Variants in MYO3B observed in about 807,000 individuals in gnomAD.
The protein encoded by MYO3B is myosin-IIIb.
In MYO3B, 156 loss-of-function variants were observed where a neutral mutation model predicts 174.6. The ratio of observed to expected loss-of-function variants is 0.89; its 90% CI spans 0.78 to 1.02. The LOEUF (loss-of-function observed/expected upper bound fraction) is 1.02. Ranked by LOEUF, MYO3B falls within the 50% of genes least tolerant of loss-of-function variation. The pLI is 0.00. For missense variants in MYO3B, 1,632 were observed against 1,639.4 expected (o/e 1.00, Z 0.08); for synonymous variants, 563 against 569.1 (o/e 0.99, Z 0.15).
Position 170,400,039 on chromosome 2 carries a change from G to A in MYO3B, c.1792-149G>A. On this transcript the variant is annotated intron_variant, in intron 16 of 34. Coordinates refer to ENST00000408978, the MANE Select transcript of MYO3B (RefSeq NM_138995.5). ...TGTAGTTATATGACGACCTCTAACT[G>A]CAAAGAAGTTTGGGAAATTTTGCTG... 3 of 967,590 alleles carry A rather than the reference G, an allele frequency of 3.1e-6. No homozygotes were observed. The South Asian group carries it at 4.8e-5, about 15-fold the overall frequency. 59.9% of individuals were successfully genotyped at this position (967,590 alleles called of 1,614,324 possible). A position where few individuals can be genotyped will look rare whatever the true frequency, so the allele number is the denominator to read the frequency against.
chr2:170,236,123 T>G lies in MYO3B; in HGVS notation c.736T>G (p.Phe246Val), dbSNP rs769426526. 1 of 1,614,196 alleles carries G rather than the reference T, an allele frequency of 6.2e-7. No homozygotes were observed. The highest frequency in any genetic ancestry group is 1.1e-5 in the South Asian group (1 of 91,080). The stretch of plus-strand genomic sequence containing the variant: ...TGACATGCATCCTGTGAAAACACTC[T>G]TTAAGATTCCAAGGTAAGACACAAG... ...LFDMHPVKTLFKIPRNPPPTL... is the reference protein window; with the variant it reads ...LFDMHPVKTLVKIPRNPPPTL... Residue 246 changes from phenylalanine to valine, a missense_variant, in exon 7 of 35, where the codon TTT becomes GTT. Physicochemically the swap from Phe to Val is conservative, Grantham distance 50. Coordinates refer to ENST00000408978, the MANE Select transcript of MYO3B (RefSeq NM_138995.5).
chr2:170,194,645 T>C (rs1157094152), intron 1 of MYO3B, among the ~76,000 whole-genome samples: 1 of 152,176 alleles, frequency 6.6e-6, no homozygotes, highest in African/African-American at 2.4e-5. Context: ...GTGCATCCTA[T>C]TGTATTAGTC....
chr2:170,294,813 T>C (rs1407676660), intron 7 of MYO3B, among the ~76,000 whole-genome samples: 1 of 152,144 alleles, frequency 6.6e-6, no homozygotes, highest in Admixed American at 6.5e-5. Context: ...GATGTGTCAA[T>C]GTAGGTTCAG....
intron 9 of MYO3B, among the ~76,000 whole-genome samples, chr2:170,371,728 G>T (rs2094246986): frequency 6.6e-6 from 1 of 150,682 alleles, no homozygotes; most frequent in South Asian, 2.1e-4. Flanking sequence ...TGAGTATATA[G>T]ATGATTGAGG....
At chr2:170,591,827 G>C (rs368112486) in intron 32 of MYO3B, among the ~76,000 whole-genome samples, 2 of 152,116 alleles carry the variant, frequency 1.3e-5, no homozygotes, top group African/African-American at 4.8e-5. Context: ...CCAGTATTAC[G>C]TATTGAACTT....
In MYO3B at chr2:170,447,530, G is replaced by T. The variant is rs150600120; in HGVS notation, c.2730+3484G>T. ...ATGGGATTCTTTGGAGTCTATATCT[G>T]TATCCAAGAGTAAACTTAGTTGACA... is the stretch of plus-strand genomic sequence containing the variant. On this transcript the variant is annotated intron_variant, in intron 23 of 34. Transcript: ENST00000408978. Among the ~76,000 whole-genome samples the T allele has an allele frequency of 4.3e-3, 653 of 152,288 alleles. 4 individuals carry two copies. Among genetic ancestry groups the T allele is most frequent in the African/African-American group, 0.015 (638 of 41,560 alleles).
intron 22 of MYO3B, among the ~76,000 whole-genome samples, chr2:170,410,357 G>A (rs1025010502): frequency 6.6e-6 from 1 of 151,982 alleles, no homozygotes; most frequent in African/African-American, 2.4e-5. Flanking sequence ...CAAGGTGGGT[G>A]GATCACGAGG....
At position 170,605,245 on chromosome 2, in the gene MYO3B, C is replaced by T. The variant is rs115749725; in HGVS notation, c.3734-46383C>T. On this transcript the variant is annotated intron_variant, in intron 32 of 34. Transcript: ENST00000408978. Reference sequence around the variant, plus strand: ...AAGACTCACCCTTCTGGCTTTCCCCCAGCCTCATGGCTGCTCTTTGTTTCC... The same window carrying T: ...AAGACTCACCCTTCTGGCTTTCCCCTAGCCTCATGGCTGCTCTTTGTTTCC... Among the ~76,000 whole-genome samples, 646 of 152,340 alleles carry T rather than the reference C, an allele frequency of 4.2e-3. 4 individuals are homozygous for T. Among genetic ancestry groups the T allele is most frequent in the African/African-American group, 0.015 (614 of 41,578 alleles).
chr2:170,249,057 A>G (rs966565120), intron 7 of MYO3B, among the ~76,000 whole-genome samples: 2 of 152,154 alleles, frequency 1.3e-5, no homozygotes, highest in South Asian at 4.1e-4. Context: ...CTTATCTACC[A>G]TCAGAACATC....
At chr2:170,569,169 A>G (rs779015880) in intron 32 of MYO3B, among the ~76,000 whole-genome samples, 42 of 152,158 alleles carry the variant, frequency 2.8e-4, no homozygotes, top group African/African-American at 2.7e-4. Context: ...AAGGACCTCA[A>G]TACTACTCCA....
chr2:170,547,471 A>G (rs954014782), intron 32 of MYO3B, among the ~76,000 whole-genome samples: 1 of 152,242 alleles, frequency 6.6e-6, no homozygotes, highest in Admixed American at 6.5e-5. Context: ...ATTATTTAAT[A>G]GGACTGACAG....
At chr2:170,554,663 T>TG (rs1468959381) in intron 32 of MYO3B, among the ~76,000 whole-genome samples, 2 of 152,256 alleles carry the variant, frequency 1.3e-5, no homozygotes, top group Non-Finnish European at 2.9e-5. Context: ...CAAACATAGC[T>TG]GTGAAAAGTT....
chr2:170,407,756 C>T lies in MYO3B; in HGVS notation c.2562C>T (p.Asp854=). 6.2e-7 allele frequency: 1 copy of T among 1,614,046 alleles called. No individual in the cohort carries two copies. The highest frequency in any genetic ancestry group is 8.5e-7 in the Non-Finnish European group (1 of 1,179,958). ...CTGGGGTTCTTGAGAAAAATAGAGA[C>T]ACTCTCCCTGCCGATGTGGTTGTGG... is the stretch of plus-strand genomic sequence containing the variant. The part of the protein sequence containing the change: ...DASGVLEKNR[D]TLPADVVVVL... The change falls in exon 22 of 35, where the codon GAC becomes GAT. Residue 854 remains aspartate (D), a synonymous_variant. Coordinates refer to ENST00000408978, the MANE Select transcript of MYO3B (RefSeq NM_138995.5).
intron 7 of MYO3B, among the ~76,000 whole-genome samples, chr2:170,321,068 C>G (rs2093822197): frequency 6.6e-6 from 1 of 152,086 alleles, no homozygotes; most frequent in Admixed American, 6.6e-5. Flanking sequence ...CACTCTAGTC[C>G]AGCCCGGGCA....
intron 32 of MYO3B, among the ~76,000 whole-genome samples, chr2:170,549,124 C>T (rs1305764074): frequency 6.6e-6 from 1 of 152,144 alleles, no homozygotes; most frequent in Non-Finnish European, 1.5e-5. Context: ...CCTTTACTTA[C>T]ATTTTCTTAA....
intron 30 of MYO3B, among the ~76,000 whole-genome samples, chr2:170,524,312 A>T (rs1688866064): frequency 6.6e-6 from 1 of 152,214 alleles, no homozygotes; most frequent in Admixed American, 6.5e-5. Context: ...GATTGGTTTC[A>T]GATCTACCTA....
intron 23 of MYO3B, among the ~76,000 whole-genome samples, chr2:170,461,709 G>A (rs1027347191): frequency 6.6e-6 from 1 of 151,986 alleles, no homozygotes; most frequent in Non-Finnish European, 1.5e-5. Context: ...CTGGCAGATG[G>A]TGGTTGTAGT....
intron 23 of MYO3B, among the ~76,000 whole-genome samples, chr2:170,455,029 G>C (rs1683830676): frequency 6.6e-6 from 1 of 152,122 alleles, no homozygotes; most frequent in Non-Finnish European, 1.5e-5. Flanking sequence ...CGAGTGCCGG[G>C]TCTGTAAAAT....
intron 32 of MYO3B, among the ~76,000 whole-genome samples, chr2:170,614,006 C>A (rs1194413292): frequency 1.3e-5 from 2 of 152,092 alleles, no homozygotes; most frequent in African/African-American, 2.4e-5. Flanking sequence ...CTGATTAATA[C>A]AAGTCCCGAA....
Sources: gnomAD v4.1 joint callset for allele counts (sites outside exome capture counted in the v4.1 genomes callset) on GRCh38, gnomAD v4.1.1 for gene constraint, MANE v1.5 for transcripts, NCBI Gene and HGNC (gene_info 2026-07-23, HGNC 2026-07-21) for gene names.